The following KSR1 variants were observed in gnomAD, a reference collection of about 807,000 sequenced individuals.
KSR1 encodes kinase suppressor of ras.
In KSR1, 35 loss-of-function variants were observed where a neutral mutation model predicts 92.9. That is an observed-to-expected ratio of 0.38 (90% CI 0.29 to 0.50). The LOEUF (loss-of-function observed/expected upper bound fraction) is 0.50. Among genes scored for constraint, KSR1 ranks in the 20% least tolerant of loss-of-function variants. The pLI, the probability that KSR1 is intolerant of heterozygous loss-of-function variation, is 0.94. For missense variants in KSR1, 972 were observed against 1,158.5 expected, an observed-to-expected ratio of 0.84 and a Z score of 2.34; for synonymous variants, 467 against 472.6, an observed-to-expected ratio of 0.99 and a Z score of 0.15.
intron 2 of KSR1, among the ~76,000 whole-genome samples, chr17:27,569,227 C>T (rs919401936): frequency 2.0e-5 from 3 of 152,210 alleles, no homozygotes; most frequent in African/African-American, 7.2e-5. Context: ...CTTCCCATCT[C>T]CTCTCTACAT....
chr17:27,604,881 C>T (rs1420178554), intron 13 of KSR1, among the ~76,000 whole-genome samples, 153 bp downstream of exon 13: 1 of 152,158 alleles, frequency 6.6e-6, no homozygotes, highest in Non-Finnish European at 1.5e-5. Flanking sequence ...CAGGGAAGAA[C>T]GATGAGGAAT....
intron 2 of KSR1, among the ~76,000 whole-genome samples, chr17:27,552,164 C>T (rs1364075649): frequency 3.9e-5 from 6 of 152,258 alleles, no homozygotes; most frequent in Admixed American, 2.6e-4. Flanking sequence ...CCATCATTCT[C>T]GCCTGCGCAC....
chr17:27,560,232 G>A (rs1445951457), intron 2 of KSR1: 1 of 355,162 alleles, frequency 2.8e-6, no homozygotes, highest in East Asian at 7.8e-5. Context: ...TCTGGCAGCA[G>A]CTGGGGAAAT....
chr17:27,531,238 C>T (rs2070524440), intron 1 of KSR1, among the ~76,000 whole-genome samples: 1 of 152,216 alleles, frequency 6.6e-6, no homozygotes, highest in African/African-American at 2.4e-5. Flanking sequence ...GAAGAAAGCT[C>T]AAGATGTTGA....
chr17:27,621,426 C>T (rs1867222072), intron 20 of KSR1, among the ~76,000 whole-genome samples, 153 bp downstream of exon 20: 1 of 152,176 alleles, frequency 6.6e-6, no homozygotes, highest in Non-Finnish European at 1.5e-5. Flanking sequence ...GAAATGGCTT[C>T]CAGCAAGGGT....
At chr17:27,528,667 G>C (rs1348680133) in intron 1 of KSR1, among the ~76,000 whole-genome samples, 1 of 152,150 alleles carries the variant, frequency 6.6e-6, no homozygotes, top group South Asian at 2.1e-4. Flanking sequence ...GGGAGGCTGA[G>C]AAAGGAGGAT....
chr17:27,527,027 C>T (rs961563135), intron 1 of KSR1: 14 of 480,242 alleles, frequency 2.9e-5, no homozygotes, highest in African/African-American at 1.6e-4. Flanking sequence ...GTTTGAAATC[C>T]GGCAGGGACA....
chr17:27,623,808 G>T lies in KSR1; in HGVS notation c.*416G>T. 1 of 537,262 alleles carries T rather than the reference G, an allele frequency of 1.9e-6. No individual in the cohort carries two copies. Among genetic ancestry groups the T allele is most frequent in the Non-Finnish European group, 3.2e-6 (1 of 311,508 alleles). 33.3% of individuals were successfully genotyped at this position (537,262 alleles called of 1,614,324 possible). Reference sequence around the variant, plus strand: ...GAAGACAAACATGGTAATTGCAGCTGTTCTTGGGGTAGGGCGGGGAGCCCA... The same window carrying T: ...GAAGACAAACATGGTAATTGCAGCTTTTCTTGGGGTAGGGCGGGGAGCCCA... On this transcript the variant is annotated 3_prime_UTR_variant, in exon 21 of 21. Coordinates refer to ENST00000644974, the MANE Select transcript of KSR1 (RefSeq NM_001394583.1).
chr17:27,548,387 T>C (rs1341987976), intron 1 of KSR1, among the ~76,000 whole-genome samples: 1 of 152,228 alleles, frequency 6.6e-6, no homozygotes, highest in African/African-American at 2.4e-5. Flanking sequence ...TTTCTAGATA[T>C]TTGAAATTAA....
chr17:27,621,007 C>T, intron 19 of KSR1, 186 bp from the exon 20 acceptor site: 1 of 392,414 alleles, frequency 2.5e-6, no homozygotes, highest in Non-Finnish European at 4.5e-6. Context: ...TTCTCACTTT[C>T]TCTTTTCTTT....
intron 2 of KSR1, among the ~76,000 whole-genome samples, chr17:27,569,899 A>G (rs2072239242): frequency 6.6e-6 from 1 of 152,218 alleles, no homozygotes; most frequent in Non-Finnish European, 1.5e-5. Flanking sequence ...GCTGATAGGG[A>G]GAGCAAGGAG....
intron 3 of KSR1, chr17:27,578,832 CTG>C (rs1460823593): frequency 6.6e-6 from 1 of 152,266 alleles, no homozygotes; most frequent in Non-Finnish European, 1.5e-5. Flanking sequence ...TATGCACCTA[CTG>C]TGTGCCAGGC....
chr17:27,520,256 C>T (rs1052133905), intron 1 of KSR1, among the ~76,000 whole-genome samples: 1 of 152,160 alleles, frequency 6.6e-6, no homozygotes. Flanking sequence ...ATTTCCATTC[C>T]TGCAGAAGAT....
Position 27,590,831 on chromosome 17 carries a change from T to C in KSR1, c.1067T>C (p.Leu356Pro). Residue 356 changes from leucine to proline, a missense_variant, in exon 7 of 21, where the codon CTG (leucine) becomes CCG (proline). By Grantham distance (98) the Leu-to-Pro change is moderately conservative. This residue lies in a region of KSR1 where 611 missense variants were observed against 668.0 expected (regional missense o/e 0.91). Transcript: ENST00000644974. ...TGCAGGTTCTCCACCAAGTCCTGGC[T>C]GTCGCAGGTCTGCCACGTGTGCCAG... ...VTHRFSTKSW[L>P]SQVCHVCQKS... 6.2e-7 allele frequency: 1 copy of C among 1,611,706 alleles called. No individual in the cohort carries two copies. The highest frequency in any genetic ancestry group is 8.5e-7 in the Non-Finnish European group (1 of 1,179,076).
At chr17:27,485,152 T>G (rs940629640) in intron 1 of KSR1, among the ~76,000 whole-genome samples, 2 of 152,198 alleles carry the variant, frequency 1.3e-5, no homozygotes, top group African/African-American at 2.4e-5. Context: ...GCCATGGCTG[T>G]CTGTCATGGG....
chr17:27,553,255 C>T (rs2071464395), intron 2 of KSR1, among the ~76,000 whole-genome samples: 1 of 152,204 alleles, frequency 6.6e-6, no homozygotes, highest in African/African-American at 2.4e-5. Flanking sequence ...CTCTCTTACC[C>T]TCAGCTGCTG....
intron 1 of KSR1, among the ~76,000 whole-genome samples, chr17:27,504,268 C>T (rs941777029): frequency 8.5e-5 from 13 of 152,218 alleles, no homozygotes; most frequent in South Asian, 2.1e-4. Context: ...GAGGCTGGTC[C>T]GCAGTCAGCC....
intron 1 of KSR1, among the ~76,000 whole-genome samples, chr17:27,546,859 C>G (rs1159953924): frequency 6.6e-6 from 1 of 152,066 alleles, no homozygotes; most frequent in African/African-American, 2.4e-5. Flanking sequence ...TAGGTGCTCC[C>G]CAGGGCTTAG....
rs540450652 is a variant in KSR1, at chr17:27,609,436, G to T, written c.2225+107G>T. ...TTGTTGCTGAGCTGCAGCCCTCCCTGCAGGGAAGCCCAGGTCGCTTTGGTC... is the reference window on the plus strand; with the variant it reads ...TTGTTGCTGAGCTGCAGCCCTCCCTTCAGGGAAGCCCAGGTCGCTTTGGTC... On this transcript the variant is annotated intron_variant, in intron 16 of 20. Coordinates refer to ENST00000644974, the MANE Select transcript of KSR1 (RefSeq NM_001394583.1). 85 of 1,452,306 alleles carry T rather than the reference G, an allele frequency of 5.9e-5. No individual in the cohort carries two copies. In the African/African-American group the frequency reaches 8.7e-4, roughly 15 times the overall value. The allele number at this position is 1,452,306 out of a possible 1,614,324, so 90.0% of individuals were successfully genotyped here.
Sources: allele counts gnomAD v4.1 joint callset (sites outside exome capture counted in the v4.1 genomes callset), GRCh38; gene constraint gnomAD v4.1.1; regional missense constraint gnomAD v4.1.1; transcripts MANE v1.5; gene names NCBI Gene and HGNC (gene_info 2026-07-23, HGNC 2026-07-21).